The following ASTN2 variants were observed in gnomAD, a reference collection of about 807,000 sequenced individuals.
ASTN2 encodes the protein astrotactin 2, also known as astrotactin-2.
A neutral mutation model predicts 139.8 loss-of-function variants in ASTN2; 54 were observed. That is an observed-to-expected ratio of 0.39 (90% CI 0.31 to 0.48). The LOEUF is 0.48. Among genes scored for constraint, ASTN2 ranks in the 20% least tolerant of loss-of-function variants. The pLI is 0.95. For synonymous variants in ASTN2, 756 were observed against 719.5 expected (o/e 1.05, Z -0.81); for missense variants, 1,565 against 1,725.1 (o/e 0.91, Z 1.64).
intron 3 of ASTN2, among the ~76,000 whole-genome samples, chr9:117,192,274 G>A (rs1057234868): frequency 6.6e-5 from 10 of 152,080 alleles, no homozygotes; most frequent in African/African-American, 2.4e-4. Flanking sequence ...AGCCGCAGAG[G>A]CAGGGTCTGG....
chr9:116,782,093 A>G (rs990729184), intron 13 of ASTN2, among the ~76,000 whole-genome samples: 5 of 152,150 alleles, frequency 3.3e-5, no homozygotes, highest in African/African-American at 7.2e-5. Context: ...CAGTTTGGCA[A>G]CTACAGTTTG....
intron 19 of ASTN2, among the ~76,000 whole-genome samples, chr9:116,552,367 T>C (rs1852392595): frequency 6.6e-6 from 1 of 152,198 alleles, no homozygotes; most frequent in African/African-American, 2.4e-5. Context: ...TACTCTTTTA[T>C]TTAAACATAG....
intron 4 of ASTN2, among the ~76,000 whole-genome samples, chr9:117,131,545 C>A (rs1370998572): frequency 6.6e-6 from 1 of 152,112 alleles, no homozygotes; most frequent in Non-Finnish European, 1.5e-5. Context: ...TCTGCAAATC[C>A]AGGAGAAATT....
At chr9:116,746,322 G>T (rs111416398) in intron 13 of ASTN2, among the ~76,000 whole-genome samples, 3 of 152,080 alleles carry the variant, frequency 2.0e-5, no homozygotes, top group African/African-American at 7.2e-5. Flanking sequence ...TCCTGATCTC[G>T]TGATCTGCCT....
At chr9:117,274,336 C>T (rs754572360) in intron 2 of ASTN2, among the ~76,000 whole-genome samples, 16 of 151,858 alleles carry the variant, frequency 1.1e-4, no homozygotes, top group South Asian at 2.1e-4. Flanking sequence ...AGCAACAGAG[C>T]GAGACTCCGT....
At chr9:116,588,715 T>C (rs941758918) in intron 19 of ASTN2, among the ~76,000 whole-genome samples, 18 of 152,224 alleles carry the variant, frequency 1.2e-4, no homozygotes, top group African/African-American at 3.9e-4. Context: ...TTCACACTGA[T>C]TTTTTAAAAT....
Position 116,820,670 on chromosome 9 carries a change from C to T in ASTN2, c.2154G>A (p.Gln718=), listed in dbSNP as rs763682190. 2 of 1,614,204 alleles carry T rather than the reference C, an allele frequency of 1.2e-6. No homozygotes were observed. The highest frequency in any genetic ancestry group is 4.5e-5 in the East Asian group (2 of 44,874). Residue 718 remains glutamine (Q), a synonymous_variant, in exon 12 of 23, where the codon CAG becomes CAA. Transcript: ENST00000313400. ...TGGCATCGTAGGGCAGGGGCAGCGT[C>T]TGCTGCAGGCACAGCTGCTCACAGC... The part of the protein sequence containing the change: ...NGGCEQLCLQ[Q]TLPLPYDATS...
chr9:116,440,547 C>T, intron 22 of ASTN2, 62 bp downstream of exon 22: 2 of 1,513,968 alleles, frequency 1.3e-6, no homozygotes, highest in Non-Finnish European at 1.8e-6. Flanking sequence ...GGGAAAGGGT[C>T]CAGAAAAGTC....
intron 7 of ASTN2, among the ~76,000 whole-genome samples, chr9:116,992,763 C>T (rs975513487): frequency 6.6e-6 from 1 of 152,212 alleles, no homozygotes; most frequent in Non-Finnish European, 1.5e-5. Flanking sequence ...GATGTCAAAG[C>T]ATGAAATCAG....
At chr9:117,147,442 C>CAT (rs1830223320) in intron 3 of ASTN2, among the ~76,000 whole-genome samples, 1 of 150,570 alleles carries the variant, frequency 6.6e-6, no homozygotes, top group Non-Finnish European at 1.5e-5. Flanking sequence ...ACTCAAAACA[C>CAT]ACACACACAC....
At chr9:116,861,405 G>A (rs1832880333) in intron 11 of ASTN2, among the ~76,000 whole-genome samples, 1 of 152,152 alleles carries the variant, frequency 6.6e-6, no homozygotes, top group African/African-American at 2.4e-5. Flanking sequence ...CTTACATTCT[G>A]GACACAACAC....
At chr9:117,083,656 A>C (rs1447636401) in intron 5 of ASTN2, among the ~76,000 whole-genome samples, 1 of 152,198 alleles carries the variant, frequency 6.6e-6, no homozygotes, top group African/African-American at 2.4e-5. Context: ...ACAGTCTCTC[A>C]TTCTAAGGAA....
At chr9:116,541,153 A>G (rs1851862735) in intron 19 of ASTN2, among the ~76,000 whole-genome samples, 1 of 152,192 alleles carries the variant, frequency 6.6e-6, no homozygotes, top group South Asian at 2.1e-4. Context: ...TCTATAATAA[A>G]TGTGTCATAC....
At chr9:116,718,053 A>G (rs1182614834) in intron 16 of ASTN2, among the ~76,000 whole-genome samples, 1 of 152,264 alleles carries the variant, frequency 6.6e-6, no homozygotes, top group Non-Finnish European at 1.5e-5. Flanking sequence ...AAAGATGTAA[A>G]CTAATAAATG....
chr9:116,838,127 T>TTTA (rs1832071543), intron 11 of ASTN2, among the ~76,000 whole-genome samples: 1 of 149,580 alleles, frequency 6.7e-6, no homozygotes, highest in African/African-American at 2.5e-5. Flanking sequence ...TTTTGTTTTT[T>TTTA]GAGACAGAGT....
intron 1 of ASTN2, among the ~76,000 whole-genome samples, chr9:117,367,966 T>C (rs1829890276): frequency 6.6e-6 from 1 of 152,132 alleles, no homozygotes; most frequent in African/African-American, 2.4e-5. Flanking sequence ...TATGTGCTCT[T>C]TTCACAAACA....
In ASTN2 at chr9:117,048,963, C is replaced by CTTTTTTTTTTTTTTTTTTTTT. The variant is rs372277811; in HGVS notation, c.1277-8999_1277-8998insAAAAAAAAAAAAAAAAAAAAA. 9.9e-4 allele frequency among the ~76,000 whole-genome samples: 88 copies of CTTTTTTTTTTTTTTTTTTTTT among 89,020 alleles called. 9 individuals carry two copies. The highest frequency in any genetic ancestry group is 0.017 in the Middle Eastern group (2 of 118). The allele number at this position is 89,020 out of a possible 152,430, so 58.4% of individuals were successfully genotyped here. Reference sequence around the variant, plus strand: ...GTGCGCTCTGATTCTTCATCCATTGCTTTTTTTTTTTTTTTTTGAGACGGA... The same window carrying CTTTTTTTTTTTTTTTTTTTTT: ...GTGCGCTCTGATTCTTCATCCATTGCTTTTTTTTTTTTTTTTTTTTTTTTTTTTTTTTTTTTTTGAGACGGA... On this transcript the variant is annotated intron_variant, in intron 5 of 22. Transcript: ENST00000313400.
intron 13 of ASTN2, among the ~76,000 whole-genome samples, chr9:116,782,590 G>A (rs545084638): frequency 2.0e-4 from 31 of 152,226 alleles, no homozygotes; most frequent in Non-Finnish European, 2.9e-4. Context: ...ACTTAGGGAC[G>A]TACTGAATGA....
At chr9:116,702,222 G>A (rs911982202) in intron 16 of ASTN2, among the ~76,000 whole-genome samples, 3 of 151,844 alleles carry the variant, frequency 2.0e-5, no homozygotes, top group Non-Finnish European at 4.4e-5. Context: ...AAGGGTATGA[G>A]ATAACATGTG....
Sources: allele counts gnomAD v4.1 joint callset (sites outside exome capture counted in the v4.1 genomes callset), GRCh38; gene constraint gnomAD v4.1.1; transcripts MANE v1.5; gene names NCBI Gene and HGNC (gene_info 2026-07-23, HGNC 2026-07-21).